Variants in VSTM2A observed in about 807,000 individuals in gnomAD.
VSTM2A encodes V-set and transmembrane domain containing 2A, also known as V-set and transmembrane domain-containing protein 2A.
VSTM2A carries 13 observed loss-of-function variants against 27.3 expected under a neutral mutation model. The ratio of observed to expected loss-of-function variants is 0.48; its 90% CI spans 0.31 to 0.76. The LOEUF (loss-of-function observed/expected upper bound fraction) is 0.76, where lower values mean the gene tolerates loss of function less well. Ranked by LOEUF, VSTM2A falls within the 30% of genes least tolerant of loss-of-function variation. VSTM2A has a pLI of 0.05. For synonymous variants in VSTM2A, 142 were observed against 125.7 expected, an observed-to-expected ratio of 1.13 and a Z score of -0.87; for missense variants, 280 against 310.0, an observed-to-expected ratio of 0.90 and a Z score of 0.73.
chr7:54,550,229 T>G, intron 4 of VSTM2A, 59 bp downstream of exon 4: 1 of 1,552,764 alleles, frequency 6.4e-7, no homozygotes, highest in Non-Finnish European at 8.7e-7. Flanking sequence ...CACAGAAAGG[T>G]CAGTCGTATA....
rs553348108 is a variant in VSTM2A at position 54,565,204 on chromosome 7, A to G, written c.635-3927A>G. Among the ~76,000 whole-genome samples the G allele has an allele frequency of 2.0e-4, 31 of 152,338 alleles. No homozygotes were observed. In the South Asian group the frequency reaches 4.1e-3, roughly 20 times the overall value. Reference sequence around the variant, plus strand: ...ATGGACCACATTGCTGTTTCTTCATATCTTTGTCTTTGCATGACTCCCTGC... The same window carrying G: ...ATGGACCACATTGCTGTTTCTTCATGTCTTTGTCTTTGCATGACTCCCTGC... On this transcript the variant is annotated intron_variant, in intron 4 of 4. Transcript: ENST00000402613.
intron 4 of VSTM2A, chr7:54,559,831 A>T (rs1788494216): frequency 6.6e-6 from 1 of 152,160 alleles, no homozygotes; most frequent in African/African-American, 2.4e-5. Flanking sequence ...ATTAGAAAGG[A>T]TTCAGTACAT....
chr7:54,561,197 A>G (rs1242082171), intron 4 of VSTM2A, among the ~76,000 whole-genome samples: 2 of 152,226 alleles, frequency 1.3e-5, no homozygotes, highest in Non-Finnish European at 2.9e-5. Context: ...AGGGTTGTGA[A>G]GATAGGAATT....
At chr7:54,556,045 T>A (rs1052709742) in intron 4 of VSTM2A, among the ~76,000 whole-genome samples, 2 of 152,222 alleles carry the variant, frequency 1.3e-5, no homozygotes, top group African/African-American at 2.4e-5. Context: ...TAAAAAAATT[T>A]TCTTCTTATC....
rs756427979 is a variant in VSTM2A, at chr7:54,549,815, T to C, written c.298-19T>C. 5.1e-6 allele frequency: 8 copies of C among 1,556,592 alleles called. No homozygotes were observed. The African/African-American group carries it at 5.5e-5, about 11-fold the overall frequency. On this transcript the variant is annotated intron_variant, in intron 3 of 4. Coordinates refer to ENST00000402613, the MANE Select transcript of VSTM2A (RefSeq NM_001301009.2). ...TTTGATGTAGCACTTTATTGTTTTT[T>C]TTACCTGCAATTTTTCAGACAGTGA... is the stretch of plus-strand genomic sequence containing the variant.
chr7:54,545,729 A>G (rs1787932745), intron 2 of VSTM2A, among the ~76,000 whole-genome samples: 2 of 98,186 alleles, frequency 2.0e-5, no homozygotes, highest in African/African-American at 4.2e-5. Flanking sequence ...GAAGGGGAAA[A>G]AGGGAGAGAG....
intron 4 of VSTM2A, among the ~76,000 whole-genome samples, chr7:54,556,326 G>A (rs1418112822): frequency 6.6e-6 from 1 of 152,200 alleles, no homozygotes; most frequent in Non-Finnish European, 1.5e-5. Flanking sequence ...TCACCATGAT[G>A]TGAACCTGAC....
In VSTM2A at chr7:54,546,817, G is replaced by GCCCCTTGTCGCTCCCCTGT. The variant is rs1554330602; in HGVS notation, c.247-125_247-124insTGTCGCTCCCCTGTCCCCT. 47 of 1,147,598 alleles carry GCCCCTTGTCGCTCCCCTGT rather than the reference G, an allele frequency of 4.1e-5. No individual in the cohort carries two copies. The African/African-American group carries it at 6.6e-4, about 16-fold the overall frequency. The allele number at this position is 1,147,598 out of a possible 1,614,324, so 71.1% of individuals were successfully genotyped here. ...TCTGGGCCTGGACAGGGGTGGCCAC[G>GCCCCTTGTCGCTCCCCTGT]CCCCTGGTCGCTCCCCTGTCCCCAG... is the stretch of plus-strand genomic sequence containing the variant. On this transcript the variant is annotated intron_variant, in intron 2 of 4. Coordinates refer to ENST00000402613, the MANE Select transcript of VSTM2A (RefSeq NM_001301009.2).
chr7:54,557,810 A>G (rs1788420202), intron 4 of VSTM2A: 1 of 152,218 alleles, frequency 6.6e-6, no homozygotes, highest in Non-Finnish European at 1.5e-5. Flanking sequence ...CAGCAATGAA[A>G]TGATTAGAGT....
intron 4 of VSTM2A, among the ~76,000 whole-genome samples, chr7:54,563,895 G>A (rs1265673058): frequency 1.3e-5 from 2 of 152,200 alleles, no homozygotes; most frequent in African/African-American, 2.4e-5. Flanking sequence ...GGACATGTAA[G>A]CATTCTAATA....
chr7:54,567,673 T>C (rs762789297), intron 4 of VSTM2A, among the ~76,000 whole-genome samples: 26 of 152,256 alleles, frequency 1.7e-4, no homozygotes, highest in Non-Finnish European at 2.2e-4. Context: ...GCTTTCAGCA[T>C]TTTAAAACTT....
intron 4 of VSTM2A, among the ~76,000 whole-genome samples, chr7:54,556,061 CTA>C (rs1198090938): frequency 3.3e-5 from 5 of 152,162 alleles, no homozygotes; most frequent in Non-Finnish European, 5.9e-5. Context: ...TTATCATTTA[CTA>C]TGAGATATAT....
chr7:54,559,619 A>G (rs561646531), intron 4 of VSTM2A: 6 of 152,270 alleles, frequency 3.9e-5, no homozygotes, highest in African/African-American at 1.2e-4. Context: ...TGTGCAGCCC[A>G]TATGTCCCTG....
chr7:54,568,883 C>T (rs1584072713), intron 4 of VSTM2A: 3 of 993,052 alleles, frequency 3.0e-6, no homozygotes. Flanking sequence ...CATGCCAAGA[C>T]ATTCATGAGC....
At chr7:54,563,063 G>A (rs927125233) in intron 4 of VSTM2A, among the ~76,000 whole-genome samples, 4 of 152,046 alleles carry the variant, frequency 2.6e-5, no homozygotes, top group African/African-American at 7.2e-5. Context: ...TTAGAATTTC[G>A]TTCTTGGAAA....
At chr7:54,548,789 A>G (rs903000838) in intron 3 of VSTM2A, among the ~76,000 whole-genome samples, 1 of 152,118 alleles carries the variant, frequency 6.6e-6, no homozygotes, top group Non-Finnish European at 1.5e-5. Flanking sequence ...ATGTAAAAGC[A>G]GATGAGTGCT....
At chr7:54,552,233 T>C (rs1244623367) in intron 4 of VSTM2A, 2 of 152,242 alleles carry the variant, frequency 1.3e-5, no homozygotes. Context: ...TATCTGCTTA[T>C]ATCAAAGAGT....
At chr7:54,564,649 C>G (rs933127130) in intron 4 of VSTM2A, among the ~76,000 whole-genome samples, 3 of 152,204 alleles carry the variant, frequency 2.0e-5, no homozygotes, top group African/African-American at 7.2e-5. Flanking sequence ...TTCTCATTCT[C>G]TCCCTGTCAC....
chr7:54,559,780 A>G (rs748246235), intron 4 of VSTM2A: 7 of 152,186 alleles, frequency 4.6e-5, no homozygotes, highest in African/African-American at 7.2e-5. Flanking sequence ...GTGAACATCA[A>G]GCAGCTTCTA....
Sources: gnomAD v4.1 joint callset for allele counts (sites outside exome capture counted in the v4.1 genomes callset) on GRCh38, gnomAD v4.1.1 for gene constraint, MANE v1.5 for transcripts, NCBI Gene and HGNC (gene_info 2026-07-23, HGNC 2026-07-21) for gene names.